Variants in AKR1A1 observed in about 807,000 individuals in gnomAD.
AKR1A1 encodes HEL-S-165mP.
In AKR1A1, 26 loss-of-function variants were observed where a neutral mutation model predicts 39.2. That is an observed-to-expected ratio of 0.66 (90% CI 0.49 to 0.92). The LOEUF (loss-of-function observed/expected upper bound fraction) is 0.92, where lower values mean the gene tolerates loss of function less well. Ranked by LOEUF, AKR1A1 falls within the 40% of genes least tolerant of loss-of-function variation. AKR1A1 has a pLI of 0.00. For missense variants in AKR1A1, 378 were observed against 406.5 expected (o/e 0.93, Z 0.60); for synonymous variants, 141 against 155.5 (o/e 0.91, Z 0.69).
intron 4 of AKR1A1, 100 bp downstream of exon 4, chr1:45,567,120 T>G: frequency 4.1e-6 from 6 of 1,469,472 alleles, no homozygotes; most frequent in Non-Finnish European, 5.5e-6. Flanking sequence ...ATAGGAACAC[T>G]CATTTGCATG....
At position 45,568,982 on chromosome 1, in the gene AKR1A1, A is replaced by G; in HGVS notation, c.808A>G (p.Ile270Val). The change falls in exon 7 of 9, where the codon ATC becomes GTC. Residue 270 changes from isoleucine to valine, a missense_variant. By Grantham distance (29) the Ile-to-Val change is conservative (BLOSUM62 3). Transcript: ENST00000351829. ...CIPKSITPSRILQNIKVFDFT... is the reference protein window; with the variant it reads ...CIPKSITPSRVLQNIKVFDFT... The stretch of plus-strand genomic sequence containing the variant: ...CCCCAAAAGTATCACTCCTTCTCGA[A>G]TCCTTCAGAACATCAAGGTACTTGG... 6.2e-7 allele frequency: 1 copy of G among 1,614,146 alleles called. No homozygotes were observed. The highest frequency in any genetic ancestry group is 8.5e-7 in the Non-Finnish European group (1 of 1,180,006).
chr1:45,555,866 A>G (rs1285754197), intron 1 of AKR1A1, among the ~76,000 whole-genome samples: 3 of 152,202 alleles, frequency 2.0e-5, no homozygotes, highest in Non-Finnish European at 2.9e-5. Context: ...AGTTTTGGAC[A>G]TGGCGAATCT....
intron 4 of AKR1A1, 39 bp downstream of exon 4, chr1:45,567,059 T>C: frequency 6.2e-7 from 1 of 1,605,204 alleles, no homozygotes; most frequent in Non-Finnish European, 8.5e-7. Context: ...AATCAGGGGG[T>C]TGAGCAGGAT....
chr1:45,556,115 C>A (rs1404577972), intron 1 of AKR1A1, among the ~76,000 whole-genome samples: 1 of 152,166 alleles, frequency 6.6e-6, no homozygotes, highest in Admixed American at 6.6e-5. Flanking sequence ...TCCTTTTTTT[C>A]CTGTGTCTTC....
chr1:45,566,725 G>T (rs749772448), intron 3 of AKR1A1, 37 bp downstream of exon 3: 5 of 1,610,756 alleles, frequency 3.1e-6, no homozygotes, highest in Non-Finnish European at 4.2e-6. Context: ...TGGGATAAGA[G>T]AACTTAGAAG....
At chr1:45,555,591 C>T (rs537135585) in intron 1 of AKR1A1, among the ~76,000 whole-genome samples, 1 of 152,110 alleles carries the variant, frequency 6.6e-6, no homozygotes, top group South Asian at 2.1e-4. Flanking sequence ...GGAAGATGTA[C>T]TTAGGTTTAT....
At chr1:45,559,634 C>CTTTTTTTTTT (rs71056306) in intron 1 of AKR1A1, among the ~76,000 whole-genome samples, 30 of 73,134 alleles carry the variant, frequency 4.1e-4, no homozygotes, top group Non-Finnish European at 4.8e-4. Context: ...CTTTTCTTTT[C>CTTTTTTTTTT]TTTTTTTTTT....
intron 2 of AKR1A1, among the ~76,000 whole-genome samples, chr1:45,564,768 GA>G (rs566425146): frequency 3.5e-4 from 52 of 147,322 alleles, no homozygotes; most frequent in South Asian, 6.4e-4. Flanking sequence ...TCTTCTGATT[GA>G]AAAAAAAAAT....
intron 6 of AKR1A1, 43 bp downstream of exon 6, chr1:45,568,727 A>G (rs748625908): frequency 8.1e-6 from 13 of 1,606,252 alleles, no homozygotes; most frequent in East Asian, 2.2e-5. Flanking sequence ...TTGGGAGGCA[A>G]GGGTTAAGGG....
intron 4 of AKR1A1, 110 bp from the exon 5 acceptor site, chr1:45,567,872 C>G (rs1644364374): frequency 1.9e-6 from 2 of 1,040,032 alleles, no homozygotes; most frequent in East Asian, 5.4e-5. Context: ...AAATTCTTGG[C>G]CCTTTGTCCT....
chr1:45,567,993 A>G lies in AKR1A1; in HGVS notation c.368A>G (p.Asn123Ser), dbSNP rs200483194. 2 of 1,612,434 alleles carry G rather than the reference A, an allele frequency of 1.2e-6. No homozygotes were observed. Among genetic ancestry groups the G allele is most frequent in the East Asian group, 4.5e-5 (2 of 44,804 alleles). The change falls in exon 5 of 9, where the codon AAC (asparagine) becomes AGC (serine). Residue 123 changes from asparagine to serine, a missense_variant. By Grantham distance (46) the Asn-to-Ser change is conservative. Transcript: ENST00000351829. ...TGTCTCTCACTCAGGCGGGGAGACA[A>G]CCCCTTCCCCAAGAATGCTGATGGG... ...HWPYAFERGD[N>S]PFPKNADGTI...
At chr1:45,557,542 A>T (rs1644220685) in intron 1 of AKR1A1, among the ~76,000 whole-genome samples, 1 of 152,140 alleles carries the variant, frequency 6.6e-6, no homozygotes. Flanking sequence ...TTTCCCCTTA[A>T]GCCAGGGTGT....
At chr1:45,557,913 T>TTTTTTTTTTTTC in intron 1 of AKR1A1, among the ~76,000 whole-genome samples, 1 of 45,672 alleles carries the variant, frequency 2.2e-5, no homozygotes, top group Non-Finnish European at 3.9e-5. Context: ...ACAACTTGTC[T>TTTTTTTTTTTTC]TTTTTTTTTT....
At chr1:45,564,679 CTG>C (rs973495218) in intron 2 of AKR1A1, among the ~76,000 whole-genome samples, 6 of 151,820 alleles carry the variant, frequency 4.0e-5, no homozygotes, top group Admixed American at 1.3e-4. Flanking sequence ...GAATTTTTTC[CTG>C]TGTTTCTCTA....
At chr1:45,557,300 G>A (rs368225504) in intron 1 of AKR1A1, among the ~76,000 whole-genome samples, 1 of 151,934 alleles carries the variant, frequency 6.6e-6, no homozygotes, top group African/African-American at 2.4e-5. Flanking sequence ...CGCACAGCTA[G>A]GCTGGAAAGC....
At chr1:45,561,945 C>T in intron 2 of AKR1A1, 67 bp downstream of exon 2, 2 of 1,460,532 alleles carry the variant, frequency 1.4e-6, no homozygotes, top group Non-Finnish European at 1.9e-6. Flanking sequence ...GCAGCCCCAC[C>T]CCCATACTCC....
chr1:45,558,315 G>A (rs549551314), intron 1 of AKR1A1, among the ~76,000 whole-genome samples: 6 of 151,544 alleles, frequency 4.0e-5, no homozygotes, highest in African/African-American at 1.5e-4. Flanking sequence ...TGCAACCTCC[G>A]CCTCCCGGGT....
Position 45,568,977 on chromosome 1 carries a change from C to T in AKR1A1, c.803C>T (p.Ser268Phe). Residue 268 changes from serine to phenylalanine, a missense_variant, in exon 7 of 9, where the codon TCT becomes TTT. By Grantham distance (155) the Ser-to-Phe change is radical. Coordinates refer to ENST00000351829, the MANE Select transcript of AKR1A1 (RefSeq NM_153326.3). ...VICIPKSITP[S>F]RILQNIKVFD... ...TGCATCCCCAAAAGTATCACTCCTT[C>T]TCGAATCCTTCAGAACATCAAGGTA... is the stretch of plus-strand genomic sequence containing the variant. 1 of 1,614,226 alleles carries T rather than the reference C, an allele frequency of 6.2e-7. No individual in the cohort carries two copies. Among genetic ancestry groups the T allele is most frequent in the Non-Finnish European group, 8.5e-7 (1 of 1,180,040 alleles).
intron 4 of AKR1A1, 112 bp from the exon 5 acceptor site, chr1:45,567,870 G>T: frequency 1.1e-6 from 1 of 937,056 alleles, no homozygotes; most frequent in Non-Finnish European, 1.5e-6. Flanking sequence ...AAAAATTCTT[G>T]GCCCTTTGTC....
Sources: gnomAD v4.1 joint callset for allele counts (sites outside exome capture counted in the v4.1 genomes callset) on GRCh38, gnomAD v4.1.1 for gene constraint, MANE v1.5 for transcripts, NCBI Gene and HGNC (gene_info 2026-07-23, HGNC 2026-07-21) for gene names.